CDH13: variants seen among roughly 807,000 people sequenced by gnomAD.
CDH13 encodes cadherin-13.
A neutral mutation model predicts 63.8 loss-of-function variants in CDH13; 24 were observed. The observed-to-expected ratio is 0.38, with a 90% confidence interval of 0.27 to 0.53. CDH13 has a LOEUF of 0.53. CDH13 is among the 20% of genes least tolerant of loss of function. CDH13 has a pLI of 0.85. For synonymous variants in CDH13, 503 were observed against 355.3 expected, an observed-to-expected ratio of 1.42 and a Z score of -4.67; for missense variants, 1,049 against 903.1, an observed-to-expected ratio of 1.16 and a Z score of -2.07.
intron 6 of CDH13, among the ~76,000 whole-genome samples, chr16:83,388,428 G>A (rs889405654): frequency 3.9e-5 from 6 of 152,050 alleles, no homozygotes; most frequent in African/African-American, 1.4e-4. Flanking sequence ...ACTCCAGCTT[G>A]GCCAACAGTA....
intron 4 of CDH13, among the ~76,000 whole-genome samples, chr16:83,151,954 GA>G (rs2037000030): frequency 7.0e-6 from 1 of 143,160 alleles, no homozygotes; most frequent in Non-Finnish European, 1.5e-5. Flanking sequence ...AAAAAAAAAA[GA>G]AAAGGAAAAG....
intron 1 of CDH13, among the ~76,000 whole-genome samples, chr16:82,671,159 ATTCT>A (rs1460801266): frequency 6.6e-6 from 1 of 152,250 alleles, no homozygotes; most frequent in Non-Finnish European, 1.5e-5. Flanking sequence ...TACAGCTAAC[ATTCT>A]TTAAGTACTA....
chr16:83,722,581 G>A (rs541481319), intron 10 of CDH13, among the ~76,000 whole-genome samples: 43 of 152,178 alleles, frequency 2.8e-4, no homozygotes, highest in Non-Finnish European at 5.0e-4. Flanking sequence ...GTGTTCCTCT[G>A]GCAAAGAAAA....
intron 1 of CDH13, among the ~76,000 whole-genome samples, chr16:82,759,829 C>G (rs1019188637): frequency 1.3e-5 from 2 of 152,010 alleles, no homozygotes; most frequent in African/African-American, 4.8e-5. Context: ...CTCCCCTATC[C>G]TGACGCACTG....
At chr16:82,736,705 A>G (rs1402897059) in intron 1 of CDH13, among the ~76,000 whole-genome samples, 1 of 152,184 alleles carries the variant, frequency 6.6e-6, no homozygotes, top group Non-Finnish European at 1.5e-5. Context: ...AATTTTTAGA[A>G]AAATCAGGCT....
chr16:82,824,738 G>A (rs1470363148), intron 1 of CDH13: 1 of 152,120 alleles, frequency 6.6e-6, no homozygotes, highest in Non-Finnish European at 1.5e-5. Context: ...ATGAACAGGA[G>A]GCTGGATGAA....
At chr16:83,732,145 C>T (rs925763725) in intron 10 of CDH13, among the ~76,000 whole-genome samples, 5 of 152,126 alleles carry the variant, frequency 3.3e-5, no homozygotes, top group South Asian at 2.1e-4. Flanking sequence ...GTGGGAAGAC[C>T]GGCAATGAAC....
chr16:83,569,782 G>A (rs1262508707), intron 7 of CDH13, among the ~76,000 whole-genome samples: 2 of 152,114 alleles, frequency 1.3e-5, no homozygotes, highest in East Asian at 3.9e-4. Flanking sequence ...TGTCTCCCAG[G>A]CTGGAGTGCA....
At chr16:83,051,270 G>A (rs1490912487) in intron 3 of CDH13, among the ~76,000 whole-genome samples, 1 of 152,134 alleles carries the variant, frequency 6.6e-6, no homozygotes, top group African/African-American at 2.4e-5. Context: ...AAAGTAAGCT[G>A]CTTATCTTCT....
chr16:83,437,081 T>G (rs74032078), intron 6 of CDH13, among the ~76,000 whole-genome samples: 4,131 of 150,568 alleles, frequency 0.027, 187 homozygotes, highest in African/African-American at 0.094. Flanking sequence ...TTTGTTTGGG[T>G]TTTTTTTTCC....
intron 11 of CDH13, among the ~76,000 whole-genome samples, chr16:83,749,067 G>C (rs145718573): frequency 2.0e-5 from 3 of 152,206 alleles, no homozygotes; most frequent in Non-Finnish European, 4.4e-5. Flanking sequence ...GGGGATTCCA[G>C]TTGGTTTGGG....
intron 6 of CDH13, among the ~76,000 whole-genome samples, chr16:83,348,699 A>G (rs1334923020): frequency 1.3e-5 from 2 of 152,206 alleles, no homozygotes; most frequent in African/African-American, 2.4e-5. Flanking sequence ...GCTATTTAAC[A>G]CGGTGTGATA....
chr16:83,199,573 C>G (rs1443722754), intron 4 of CDH13, among the ~76,000 whole-genome samples: 1 of 152,234 alleles, frequency 6.6e-6, no homozygotes, highest in Non-Finnish European at 1.5e-5. Flanking sequence ...GTGGCCTGCA[C>G]AAGGCCTCAG....
intron 1 of CDH13, among the ~76,000 whole-genome samples, chr16:82,682,757 C>T (rs747213269): frequency 3.0e-4 from 46 of 152,182 alleles, no homozygotes; most frequent in Non-Finnish European, 4.4e-4. Context: ...GATGTGCTTG[C>T]TTCTGAGAAA....
intron 1 of CDH13, among the ~76,000 whole-genome samples, chr16:82,697,633 T>A (rs62036337): frequency 0.046 from 6,964 of 151,800 alleles, 244 homozygotes; most frequent in South Asian, 0.11. Context: ...TTTCACCATG[T>A]AGACCAGGCT....
chr16:82,840,651 C>T (rs997396976), intron 1 of CDH13, among the ~76,000 whole-genome samples: 48 of 144,118 alleles, frequency 3.3e-4, no homozygotes, highest in African/African-American at 1.2e-3. Flanking sequence ...CCCCACTGCA[C>T]TGCAGCCTGG....
chr16:82,702,161 C>T (rs537874506), intron 1 of CDH13, among the ~76,000 whole-genome samples: 1 of 152,254 alleles, frequency 6.6e-6, no homozygotes, highest in African/African-American at 2.4e-5. Flanking sequence ...CTGCTGAGAT[C>T]CATGCTTTTC....
At chr16:83,472,054 A>G (rs758459374) in intron 6 of CDH13, among the ~76,000 whole-genome samples, 2 of 152,204 alleles carry the variant, frequency 1.3e-5, no homozygotes, top group African/African-American at 2.4e-5. Flanking sequence ...CCGTCTTTTG[A>G]TAACAACAAT....
chr16:83,014,211 TTTCAAA>T (rs1197004266), intron 2 of CDH13, among the ~76,000 whole-genome samples: 1 of 151,534 alleles, frequency 6.6e-6, no homozygotes, highest in Non-Finnish European at 1.5e-5. Flanking sequence ...ATTGAAAAAT[TTTCAAA>T]CTAATACTAC....
Sources: allele counts gnomAD v4.1 joint callset (sites outside exome capture counted in the v4.1 genomes callset), GRCh38; gene constraint gnomAD v4.1.1; transcripts MANE v1.5; gene names NCBI Gene and HGNC (gene_info 2026-07-23, HGNC 2026-07-21).